Variants in DDX11 observed in about 807,000 individuals in gnomAD.
DDX11 encodes the protein DEAD/H-box helicase 11.
In DDX11, 72 loss-of-function variants were observed where a neutral mutation model predicts 125.2. The ratio of observed to expected loss-of-function variants is 0.58; its 90% CI spans 0.48 to 0.70. DDX11 has a LOEUF of 0.70. DDX11 is among the 30% of genes least tolerant of loss of function. The pLI is 0.00. For missense variants in DDX11, 883 were observed against 1,165.0 expected, an observed-to-expected ratio of 0.76 and a Z score of 3.52; for synonymous variants, 347 against 452.6, an observed-to-expected ratio of 0.77 and a Z score of 2.96.
At chr12:31,075,246 G>C (rs898528650) in intron 1 of DDX11, among the ~76,000 whole-genome samples, 2 of 149,424 alleles carry the variant, frequency 1.3e-5, no homozygotes, top group African/African-American at 5.0e-5. Flanking sequence ...AGCCTGTGCT[G>C]CTTCTGGAAT....
intron 18 of DDX11, among the ~76,000 whole-genome samples, chr12:31,098,802 T>C (rs1042326653): frequency 6.6e-5 from 10 of 152,218 alleles, no homozygotes; most frequent in Non-Finnish European, 1.5e-5. Context: ...GTTTCTGACG[T>C]TCACATTGTG....
In DDX11 at chr12:31,091,889, C is replaced by A. The variant is rs1299786843; in HGVS notation, c.1242+18C>A. 6 of 1,613,760 alleles carry A rather than the reference C, an allele frequency of 3.7e-6. 1 individual carries two copies. Among genetic ancestry groups the A allele is most frequent in the Non-Finnish European group, 5.1e-6 (6 of 1,179,816 alleles). On this transcript the variant is annotated intron_variant, in intron 10 of 26. Transcript: ENST00000542838. ...GCTCCCAGGTGTGTGGGCCTCCCCTCCCCGGGCCAGGGCCTGCTGTGACGT... is the reference window on the plus strand; with the variant it reads ...GCTCCCAGGTGTGTGGGCCTCCCCTACCCGGGCCAGGGCCTGCTGTGACGT...
chr12:31,075,282 G>A (rs1047166060), intron 1 of DDX11, among the ~76,000 whole-genome samples: 1 of 113,980 alleles, frequency 8.8e-6, no homozygotes, highest in African/African-American at 3.8e-5. Flanking sequence ...TACCACTGAT[G>A]GGGAAGTGAA....
chr12:31,102,064 A>G (rs1449409919), intron 21 of DDX11, 82 bp downstream of exon 21: 11 of 1,563,590 alleles, frequency 7.0e-6, no homozygotes, highest in Non-Finnish European at 8.7e-6. Flanking sequence ...TCATCGGGTC[A>G]GGACAGGCTT....
Position 31,100,617 on chromosome 12 carries a change from TG to T in DDX11, c.1876-17del. 6.4e-7 allele frequency: 1 copy of T among 1,551,174 alleles called. No individual in the cohort carries two copies. Among genetic ancestry groups the T allele is most frequent in the South Asian group, 1.2e-5 (1 of 84,030 alleles). ...CTGAGGGGTCATGGGGCCGTGACGCTGTGGCCTTGGTCTACAGGTGTCTGAC... is the reference window on the plus strand; with the variant it reads ...CTGAGGGGTCATGGGGCCGTGACGCTTGGCCTTGGTCTACAGGTGTCTGAC... On this transcript the variant is annotated splice_polypyrimidine_tract_variant and intron_variant, in intron 18 of 26. Coordinates refer to ENST00000542838, the MANE Select transcript of DDX11 (RefSeq NM_030653.4).
intron 1 of DDX11, chr12:31,077,114 T>C (rs1940835331): frequency 6.6e-6 from 1 of 151,922 alleles, no homozygotes; most frequent in Non-Finnish European, 1.5e-5. Flanking sequence ...ATTAGTAAAA[T>C]GGGTTTGGGA....
chr12:31,087,764 A>T, intron 5 of DDX11, 174 bp from the exon 6 acceptor site: 1 of 1,103,070 alleles, frequency 9.1e-7, no homozygotes, highest in Non-Finnish European at 1.3e-6. Flanking sequence ...CGGCCATGGG[A>T]GGTTGGGGTT....
At position 31,103,331 on chromosome 12, in the gene DDX11, C is replaced by A. The variant is rs773357304; in HGVS notation, c.2472C>A (p.Gly824=). ...TTCACTCCCAGCCCAGAGCCCCCGG[C>A]CAGGCACCCCCAGGGAAGGCTCTGG... is the stretch of plus-strand genomic sequence containing the variant. ...YLDQTLPRAP[G]QAPPGKALVE... The change falls in exon 25 of 27, where the codon GGC becomes GGA. Residue 824 remains glycine (G), a synonymous_variant. Transcript: ENST00000542838. The A allele has an allele frequency of 1.2e-6, 2 of 1,611,096 alleles. No homozygotes were observed. Among genetic ancestry groups the A allele is most frequent in the Admixed American group, 3.3e-5 (2 of 59,928 alleles).
chr12:31,078,229 A>C, intron 1 of DDX11, 161 bp from the exon 2 acceptor site: 1 of 1,552,052 alleles, frequency 6.4e-7, no homozygotes, highest in African/African-American at 1.4e-5. Flanking sequence ...CCTCACGTGG[A>C]CCTGCTGCGA....
In DDX11 at chr12:31,078,491, T is replaced by G; in HGVS notation, c.98T>G (p.Val33Gly). ...GACTTCATGGCAGAGCTGTACCGGGTTTTGGAGGCTGGCAAGATTGGGATA... is the reference window on the plus strand; with the variant it reads ...GACTTCATGGCAGAGCTGTACCGGGGTTTGGAGGCTGGCAAGATTGGGATA... Reference protein sequence around the residue: ...QEDFMAELYRVLEAGKIGIFE... With the variant: ...QEDFMAELYRGLEAGKIGIFE... Residue 33 changes from valine to glycine, a missense_variant, in exon 2 of 27, where the codon GTT (valine) becomes GGT (glycine). Physicochemically the swap from Val to Gly is moderately radical, Grantham distance 109. Transcript: ENST00000542838. 6.2e-7 allele frequency: 1 copy of G among 1,611,666 alleles called. No homozygotes were observed. The highest frequency in any genetic ancestry group is 8.5e-7 in the Non-Finnish European group (1 of 1,179,734).
rs1224566050 is a variant in DDX11, at chr12:31,084,602, A to G, written c.413A>G (p.Lys138Arg). The G allele has an allele frequency of 6.3e-7, 1 of 1,598,456 alleles. No homozygotes were observed. The change falls in exon 4 of 27, where the codon AAG (lysine) becomes AGG (arginine). Residue 138 changes from lysine to arginine, a missense_variant. Lys to Arg is a conservative substitution (Grantham distance 26). This residue lies in a region of DDX11 where 283 missense variants were observed against 359.6 expected (regional missense o/e 0.79). Transcript: ENST00000542838. The part of the protein sequence containing the change: ...DRLKAEQARR[K>R]QREERLQQLQ... ...CTGTAGGCGGAGCAGGCCAGGAGGAAGCAGCGAGAAGAACGCCTGCAGCAG... is the reference window on the plus strand; with the variant it reads ...CTGTAGGCGGAGCAGGCCAGGAGGAGGCAGCGAGAAGAACGCCTGCAGCAG...
At chr12:31,094,451 A>C in intron 12 of DDX11, 139 bp from the exon 13 acceptor site, 1 of 1,484,122 alleles carries the variant, frequency 6.7e-7, no homozygotes, top group Non-Finnish European at 9.2e-7. Context: ...TGCATGCTAT[A>C]AACAGTGAAA....
chr12:31,094,270 G>A, intron 12 of DDX11: 1 of 376,342 alleles, frequency 2.7e-6, no homozygotes, highest in Non-Finnish European at 5.2e-6. Context: ...CAGTGGCCTG[G>A]GCAGCTCCTC....
chr12:31,076,246 G>T (rs1940698910), intron 1 of DDX11, among the ~76,000 whole-genome samples: 1 of 152,174 alleles, frequency 6.6e-6, no homozygotes, highest in South Asian at 2.1e-4. Flanking sequence ...TTTGGGATAA[G>T]CAGAAACCGA....
chr12:31,078,225 G>A (rs1347825994), intron 1 of DDX11, 165 bp from the exon 2 acceptor site: 14 of 1,547,018 alleles, frequency 9.0e-6, no homozygotes, highest in African/African-American at 4.1e-5. Flanking sequence ...ATGGCCTCAC[G>A]TGGACCTGCT....
chr12:31,094,096 G>A (rs1003040633), intron 12 of DDX11, among the ~76,000 whole-genome samples: 2 of 152,152 alleles, frequency 1.3e-5, no homozygotes, highest in Admixed American at 6.5e-5. Flanking sequence ...CAGCTCCCAC[G>A]CCTCTTTGCA....
intron 2 of DDX11, among the ~76,000 whole-genome samples, chr12:31,083,019 G>A (rs1592610484): frequency 6.6e-6 from 1 of 152,134 alleles, no homozygotes; most frequent in African/African-American, 2.4e-5. Context: ...AATTACATTT[G>A]CGACAGTCCT....
At position 31,101,011 on chromosome 12, in the gene DDX11, C is replaced by G. The variant is rs375050136; in HGVS notation, c.1949-16C>G. 53 of 1,608,492 alleles carry G rather than the reference C, an allele frequency of 3.3e-5. 1 individual carries two copies. The highest frequency in any genetic ancestry group is 4.5e-5 in the Non-Finnish European group (53 of 1,175,022). ...CCTGCATCTCCAGTTTTCGGCCCCT[C>G]CCTGGCTCTTACCAGGTCACGTGAT... On this transcript the variant is annotated splice_polypyrimidine_tract_variant and intron_variant, in intron 19 of 26. Coordinates refer to ENST00000542838, the MANE Select transcript of DDX11 (RefSeq NM_030653.4).
intron 22 of DDX11, 42 bp from the exon 23 acceptor site, chr12:31,102,385 A>C (rs775559166): frequency 6.2e-7 from 1 of 1,610,738 alleles, no homozygotes; most frequent in South Asian, 1.1e-5. Flanking sequence ...GGTGTCATCC[A>C]AGTTTTGGCT....
Sources: allele counts gnomAD v4.1 joint callset (sites outside exome capture counted in the v4.1 genomes callset), GRCh38; gene constraint gnomAD v4.1.1; regional missense constraint gnomAD v4.1.1; transcripts MANE v1.5; gene names NCBI Gene and HGNC (gene_info 2026-07-23, HGNC 2026-07-21).